The following HMCN2 variants were observed in gnomAD, a reference collection of about 807,000 sequenced individuals.
HMCN2 encodes the protein hemicentin 2.
Under a neutral mutation model 377.5 loss-of-function variants are expected in HMCN2, and 325 were observed. The observed-to-expected ratio is 0.86, with a 90% CI of 0.79 to 0.94. HMCN2 has a LOEUF of 0.94. HMCN2 is among the 40% of genes least tolerant of loss of function. The pLI is 0.00. For synonymous variants in HMCN2, 2,007 were observed against 2,046.8 expected (o/e 0.98, Z 0.53); for missense variants, 4,543 against 4,725.3 (o/e 0.96, Z 1.13).
At chr9:130,342,808 G>T (rs1262210366) in intron 25 of HMCN2, among the ~76,000 whole-genome samples, 1 of 152,098 alleles carries the variant, frequency 6.6e-6, no homozygotes, top group Admixed American at 6.5e-5. Flanking sequence ...TGGTCAGCCC[G>T]CCTCTCCCCA....
Position 130,425,019 on chromosome 9 carries a change from C to T in HMCN2, c.13530C>T (p.Leu4510=). ...GGGGATGGTTTGCAGGGGAGCTGCT[C>T]ACGATGACCCAGGTGGCCCGGGGTC... ...SHVEFATGEL[L]TMTQVARGLD... is the part of the protein sequence containing the mutation. Residue 4510 remains leucine (L), a synonymous_variant, in exon 89 of 98, where the codon CTC becomes CTT. Coordinates refer to ENST00000683500, the MANE Select transcript of HMCN2 (RefSeq NM_001291815.2). The T allele has an allele frequency of 6.5e-7, 1 of 1,546,904 alleles. No individual in the cohort carries two copies. The highest frequency in any genetic ancestry group is 8.7e-7 in the Non-Finnish European group (1 of 1,145,024).
At chr9:130,307,631 G>C (rs1836954352) in intron 14 of HMCN2, 65 bp downstream of exon 14, 1 of 469,302 alleles carries the variant, frequency 2.1e-6, no homozygotes, top group South Asian at 1.5e-5. Context: ...GAGGGGAGGT[G>C]GGGGTGTCCT....
In HMCN2 at chr9:130,410,510, T is replaced by C. The variant is rs1843351936; in HGVS notation, c.12880-61T>C. ...GGCTGCCCTCAGTCCCCTACCCAACTGTCTGAGCCACTCATCTTCTTCTCT... is the reference window on the plus strand; with the variant it reads ...GGCTGCCCTCAGTCCCCTACCCAACCGTCTGAGCCACTCATCTTCTTCTCT... On this transcript the variant is annotated intron_variant, in intron 84 of 97. Coordinates refer to ENST00000683500, the MANE Select transcript of HMCN2 (RefSeq NM_001291815.2). The C allele has an allele frequency of 2.7e-6, 4 of 1,484,486 alleles. No individual in the cohort carries two copies. The Admixed American group carries it at 7.9e-5, about 29-fold the overall frequency. 92.0% of individuals were successfully genotyped at this position (1,484,486 alleles called of 1,614,324 possible).
At chr9:130,367,393 G>A (rs1417557311) in intron 43 of HMCN2, among the ~76,000 whole-genome samples, 2 of 152,070 alleles carry the variant, frequency 1.3e-5, no homozygotes, top group African/African-American at 4.8e-5. Context: ...GTGGCCACTG[G>A]GTCTGCTTCC....
Position 130,355,983 on chromosome 9 carries a change from G to A in HMCN2, c.5256-105G>A, listed in dbSNP as rs1204809728. On this transcript the variant is annotated intron_variant, in intron 33 of 97. Transcript: ENST00000683500. The stretch of plus-strand genomic sequence containing the variant: ...AGTAGGAAAGAGGCCTGGAGCCACG[G>A]CTGGTGAGAGCAGGTGGGAGGAACT... The A allele has an allele frequency of 2.7e-5, 25 of 914,062 alleles. No individual in the cohort carries two copies. The East Asian group carries it at 1.4e-3, about 51-fold the overall frequency. The allele number at this position is 914,062 out of a possible 1,614,324, so 56.6% of individuals were successfully genotyped here. A position where few individuals can be genotyped will look rare whatever the true frequency, so the allele number is the denominator to read the frequency against.
Position 130,360,391 on chromosome 9 carries a change from C to T in HMCN2, c.5774-37C>T. On this transcript the variant is annotated intron_variant, in intron 37 of 97. Transcript: ENST00000683500. This position sits in a 1 kb window ranked among gnomAD's most constrained non-coding sequence, Gnocchi z 4.7. ...CTCTTCCATTCCCCCTTGCTTCTCT[C>T]TTCCTTTCCCCCTTGCATCTCTCTT... is the stretch of plus-strand genomic sequence containing the variant. 1 of 1,203,660 alleles carries T rather than the reference C, an allele frequency of 8.3e-7. No individual in the cohort carries two copies. The highest frequency in any genetic ancestry group is 1.5e-5 in the South Asian group (1 of 67,534). 74.6% of individuals were successfully genotyped at this position (1,203,660 alleles called of 1,614,324 possible). A position where few individuals can be genotyped will look rare whatever the true frequency, so the allele number is the denominator to read the frequency against.
chr9:130,405,471 A>G (rs1236285581), intron 81 of HMCN2, among the ~76,000 whole-genome samples: 4 of 152,162 alleles, frequency 2.6e-5, no homozygotes, highest in Middle Eastern at 3.2e-3. Flanking sequence ...AGATTCTGCA[A>G]TTTTATGATG....
chr9:130,434,103 A>T lies in HMCN2; in HGVS notation c.*410A>T, dbSNP rs1048390918. ...TCATTCTGAACCCTGTTGCAATATA[A>T]AGGGATTTTTTTTTAACCAACTTGG... is the stretch of plus-strand genomic sequence containing the variant. On this transcript the variant is annotated 3_prime_UTR_variant, in exon 98 of 98. Transcript: ENST00000683500. The T allele has an allele frequency of 6.0e-6, 1 of 167,404 alleles. No homozygotes were observed. The highest frequency in any genetic ancestry group is 2.4e-5 in the African/African-American group (1 of 42,034). The allele number at this position is 167,404 out of a possible 1,614,324, so 10.4% of individuals were successfully genotyped here. A position where few individuals can be genotyped will look rare whatever the true frequency, so the allele number is the denominator to read the frequency against.
intron 97 of HMCN2, chr9:130,433,145 C>G (rs1844864245): frequency 2.0e-6 from 1 of 490,254 alleles, no homozygotes; most frequent in South Asian, 3.7e-5. Context: ...AGGCCTCTGG[C>G]TTCTCTGGGC....
intron 89 of HMCN2, 133 bp downstream of exon 89, chr9:130,425,263 C>T: frequency 9.3e-7 from 1 of 1,070,730 alleles, no homozygotes; most frequent in Admixed American, 2.9e-5. Context: ...CACAGTCTAG[C>T]CTTGGACTTA....
chr9:130,375,415 A>T, intron 49 of HMCN2, 148 bp from the exon 50 acceptor site: 1 of 317,250 alleles, frequency 3.2e-6, no homozygotes, highest in South Asian at 1.2e-4. Context: ...CACCCCGGGC[A>T]TGGGCTTCTC....
At chr9:130,349,803 G>A in intron 29 of HMCN2, 140 bp downstream of exon 29, 1 of 767,700 alleles carries the variant, frequency 1.3e-6, no homozygotes, top group Non-Finnish European at 1.8e-6. Context: ...ACTGAGGGCT[G>A]TAGGGGCGCC....
At chr9:130,331,120 C>T (rs1283827272) in intron 22 of HMCN2, among the ~76,000 whole-genome samples, 6 of 151,012 alleles carry the variant, frequency 4.0e-5, no homozygotes, top group East Asian at 1.9e-4. Context: ...ATCGTGCCAT[C>T]GCACTCCATC....
At chr9:130,348,438 T>C (rs1839508120) in intron 26 of HMCN2, 107 bp from the exon 27 acceptor site, 1 of 1,229,892 alleles carries the variant, frequency 8.1e-7, no homozygotes, top group Admixed American at 2.5e-5. Flanking sequence ...CAGGCAGACC[T>C]TCTCCAACCC....
chr9:130,405,128 T>C (rs1466648606), intron 81 of HMCN2, 69 bp downstream of exon 81: 1 of 1,088,066 alleles, frequency 9.2e-7, no homozygotes, highest in Non-Finnish European at 1.2e-6. Context: ...TGCTCTGCGC[T>C]GAGCACTATG....
intron 1 of HMCN2, among the ~76,000 whole-genome samples, chr9:130,273,609 C>T (rs1443572717): frequency 1.3e-5 from 2 of 152,098 alleles, no homozygotes; most frequent in African/African-American, 2.4e-5. Context: ...GCGATTCTCT[C>T]ACCTCAGCCT....
intron 35 of HMCN2, 38 bp from the exon 36 acceptor site, chr9:130,358,352 A>T (rs1224252614): frequency 7.7e-7 from 1 of 1,303,872 alleles, no homozygotes; most frequent in Non-Finnish European, 1.0e-6. Context: ...CATCACTTGG[A>T]CAGCCCTGTG....
At chr9:130,354,356 T>C (rs1839905328) in intron 31 of HMCN2, among the ~76,000 whole-genome samples, 1 of 152,166 alleles carries the variant, frequency 6.6e-6, no homozygotes, top group African/African-American at 2.4e-5. Context: ...TCTGCCCCAG[T>C]CTTCTGCCTC....
At chr9:130,281,889 C>CAAA (rs782176109) in intron 1 of HMCN2, among the ~76,000 whole-genome samples, 27 of 58,864 alleles carry the variant, frequency 4.6e-4, no homozygotes, top group Admixed American at 5.7e-4. Context: ...GACTCCATCT[C>CAAA]AAAAAAAAAA....
Sources: allele counts gnomAD v4.1 joint callset (sites outside exome capture counted in the v4.1 genomes callset), GRCh38; gene constraint gnomAD v4.1.1; non-coding constraint Gnocchi (gnomAD v3.1); transcripts MANE v1.5; gene names NCBI Gene and HGNC (gene_info 2026-07-23, HGNC 2026-07-21).